Variants in NTRK3 observed in about 807,000 individuals in gnomAD.
NTRK3 encodes neurotrophic receptor tyrosine kinase 3, also known as NT-3 growth factor receptor.
Under a neutral mutation model 91.7 loss-of-function variants are expected in NTRK3, and 24 were observed. The ratio of observed to expected loss-of-function variants is 0.26; its 90% CI spans 0.19 to 0.37. The LOEUF is 0.37. Ranked by LOEUF, NTRK3 falls within the 10% of genes least tolerant of loss-of-function variation. NTRK3 has a pLI of 1.00. For synonymous variants in NTRK3, 483 were observed against 404.0 expected (o/e 1.20, Z -2.34); for missense variants, 880 against 1,068.9 (o/e 0.82, Z 2.46).
chr15:88,256,704 A>C, exon 1 of NTRK3: 2 of 372,836 alleles, frequency 5.4e-6, no homozygotes, highest in East Asian at 3.9e-5. Context: ...GCCGCCGCGA[A>C]TGGCTCGCCG....
chr15:88,078,580 G>A (rs2047763754), intron 13 of NTRK3, among the ~76,000 whole-genome samples: 2 of 152,214 alleles, frequency 1.3e-5, no homozygotes, highest in South Asian at 2.1e-4. Context: ...AACCCGGGAG[G>A]TGGAGGTTGC....
At chr15:88,111,884 G>A (rs527249634) in intron 13 of NTRK3, among the ~76,000 whole-genome samples, 4 of 141,862 alleles carry the variant, frequency 2.8e-5, no homozygotes, top group Admixed American at 2.8e-4. Context: ...CCAAGTTCTG[G>A]TTTCTGGTTT....
Position 88,017,567 on chromosome 15 carries a change from G to T in NTRK3, c.1585+15290C>A, listed in dbSNP as rs1293028923. Among the ~76,000 whole-genome samples, 6 of 152,192 alleles carry T rather than the reference G, an allele frequency of 3.9e-5. No individual in the cohort carries two copies. The East Asian group carries it at 5.8e-4, about 15-fold the overall frequency. ...TAGCAATATTGAGGGGTTTGCAGTG[G>T]TTGGTTCAACCAAGCTGACCTTCTC... On this transcript the variant is annotated intron_variant, in intron 14 of 18. Transcript: ENST00000394480.
rs544089036 is a variant in NTRK3 at position 87,867,551 on chromosome 15, C to T, written c.*9384G>A. The T allele has an allele frequency of 3.5e-5, 8 of 229,734 alleles. No homozygotes were observed. In the East Asian group the frequency reaches 4.9e-4, roughly 14 times the overall value. The allele number at this position is 229,734 out of a possible 1,614,324, so 14.2% of individuals were successfully genotyped here. A position where few individuals can be genotyped will look rare whatever the true frequency, so the allele number is the denominator to read the frequency against. ...AATGGATGAGAAACAGATTGGCTTG[C>T]CCCATCTCTGGAATTAGAGGGGCAC... On this transcript the variant is annotated 3_prime_UTR_variant, in exon 19 of 19. Coordinates refer to ENST00000394480, the Ensembl canonical transcript of NTRK3.
intron 14 of NTRK3, among the ~76,000 whole-genome samples, chr15:87,979,925 CAT>C (rs1567178551): frequency 6.6e-6 from 1 of 152,144 alleles, no homozygotes; most frequent in Non-Finnish European, 1.5e-5. Context: ...ACCAGAGGGG[CAT>C]TTCTAATTCT....
At chr15:88,117,762 C>G (rs144836784) in intron 13 of NTRK3, among the ~76,000 whole-genome samples, 87 of 152,342 alleles carry the variant, frequency 5.7e-4, no homozygotes, top group African/African-American at 1.9e-3. Context: ...AATAAAGAAG[C>G]AGGCACCAGA....
intron 10 of NTRK3, 135 bp from the exon 11 acceptor site, chr15:88,128,869 G>A: frequency 1.3e-6 from 1 of 795,536 alleles, no homozygotes; most frequent in South Asian, 1.4e-5. Context: ...AAACTAAAAT[G>A]CATGGCACAT....
At chr15:88,124,796 T>C (rs1204797714) in intron 13 of NTRK3, among the ~76,000 whole-genome samples, 2 of 152,222 alleles carry the variant, frequency 1.3e-5, no homozygotes, top group African/African-American at 4.8e-5. Context: ...TTAAGTCATC[T>C]GGATTCCAGC....
At chr15:88,143,256 G>A (rs1331369296) in intron 6 of NTRK3, among the ~76,000 whole-genome samples, 1 of 151,982 alleles carries the variant, frequency 6.6e-6, no homozygotes, top group African/African-American at 2.4e-5. Context: ...GAAAGAAGGT[G>A]GAGATTAAAG....
chr15:87,880,541 G>A (rs1403072129), intron 17 of NTRK3, 113 bp from the exon 19 acceptor site: 1 of 1,241,438 alleles, frequency 8.1e-7, no homozygotes, highest in Non-Finnish European at 1.1e-6. Flanking sequence ...TTCTAAGATA[G>A]TCACAGCTTT....
chr15:88,079,004 C>T (rs2047806278), intron 13 of NTRK3, among the ~76,000 whole-genome samples: 1 of 152,182 alleles, frequency 6.6e-6, no homozygotes, highest in Non-Finnish European at 1.5e-5. Context: ...CAAAGGACCC[C>T]TCTGGCTGCT....
chr15:88,196,336 G>A (rs997062771), intron 3 of NTRK3, among the ~76,000 whole-genome samples: 6 of 152,090 alleles, frequency 3.9e-5, no homozygotes, highest in East Asian at 1.9e-4. Flanking sequence ...CCTCTCTTTC[G>A]TGCACAGCAA....
At chr15:87,908,306 C>G (rs1472583875) in intron 17 of NTRK3, among the ~76,000 whole-genome samples, 3 of 152,158 alleles carry the variant, frequency 2.0e-5, no homozygotes, top group African/African-American at 7.2e-5. Flanking sequence ...CCAAGCACAT[C>G]AATGGCTTTG....
intron 3 of NTRK3, among the ~76,000 whole-genome samples, chr15:88,226,941 T>C (rs2141661968): frequency 6.6e-6 from 1 of 152,348 alleles, no homozygotes; most frequent in African/African-American, 2.4e-5. Flanking sequence ...ACATCTGACC[T>C]GAGCTCTCAT....
intron 14 of NTRK3, among the ~76,000 whole-genome samples, chr15:87,993,498 G>A (rs1164103263): frequency 2.6e-5 from 4 of 152,180 alleles, no homozygotes; most frequent in Non-Finnish European, 5.9e-5. Flanking sequence ...TTGTACATCA[G>A]TAGAGAAGAA....
intron 3 of NTRK3, among the ~76,000 whole-genome samples, chr15:88,212,235 T>C (rs1443317848): frequency 6.6e-6 from 1 of 152,056 alleles, no homozygotes; most frequent in Admixed American, 6.5e-5. Flanking sequence ...CTGGGCATGG[T>C]GGCAGGCGCC....
At chr15:87,918,605 C>A (rs1173115456) in intron 17 of NTRK3, among the ~76,000 whole-genome samples, 1 of 152,208 alleles carries the variant, frequency 6.6e-6, no homozygotes, top group Non-Finnish European at 1.5e-5. Context: ...TTCTTAACTG[C>A]CTTTTATACA....
chr15:87,891,670 C>A (rs1250844355), intron 17 of NTRK3, among the ~76,000 whole-genome samples: 1 of 152,110 alleles, frequency 6.6e-6, no homozygotes, highest in East Asian at 1.9e-4. Flanking sequence ...TTCACTCATT[C>A]TTTTTATAGC....
intron 14 of NTRK3, among the ~76,000 whole-genome samples, chr15:88,006,625 A>G (rs1176188331): frequency 6.6e-6 from 1 of 152,230 alleles, no homozygotes; most frequent in Non-Finnish European, 1.5e-5. Flanking sequence ...ATGGGATGGC[A>G]TGATTCTGGG....
Sources: allele counts gnomAD v4.1 joint callset (sites outside exome capture counted in the v4.1 genomes callset), GRCh38; gene constraint gnomAD v4.1.1; transcripts MANE v1.5; gene names NCBI Gene and HGNC (gene_info 2026-07-23, HGNC 2026-07-21).